Variants in UGGT2 observed in about 807,000 individuals in gnomAD.
UGGT2 encodes the protein UDP-glucose:glycoprotein glucosyltransferase 2.
Under a neutral mutation model 192.1 loss-of-function variants are expected in UGGT2, and 180 were observed. The observed-to-expected ratio is 0.94, with a 90% CI of 0.83 to 1.06. The LOEUF is 1.06. UGGT2 is among the 50% of genes least tolerant of loss of function. The pLI, the probability that UGGT2 is intolerant of heterozygous loss-of-function variation, is 0.00. For missense variants in UGGT2, 1,849 were observed against 1,795.7 expected, an observed-to-expected ratio of 1.03 and a Z score of -0.54; for synonymous variants, 580 against 591.0, an observed-to-expected ratio of 0.98 and a Z score of 0.27.
chr13:95,843,235 ACAAG>A (rs1208542327), intron 36 of UGGT2, among the ~76,000 whole-genome samples: 4 of 152,234 alleles, frequency 2.6e-5, no homozygotes, highest in African/African-American at 9.6e-5. Flanking sequence ...ACTCATTTTC[ACAAG>A]CAATGTATGC....
At chr13:95,856,559 G>T in intron 33 of UGGT2, 1 of 497,820 alleles carries the variant, frequency 2.0e-6, no homozygotes. Flanking sequence ...ATAATTTAAC[G>T]TCATTAAAAA....
At chr13:95,846,522 T>C (rs1274402916) in intron 36 of UGGT2, among the ~76,000 whole-genome samples, 1 of 152,206 alleles carries the variant, frequency 6.6e-6, no homozygotes, top group African/African-American at 2.4e-5. Flanking sequence ...TCTTAAGAAA[T>C]GCTTGTCTAT....
At chr13:95,952,266 G>C (rs2050088865) in intron 12 of UGGT2, among the ~76,000 whole-genome samples, 1 of 152,034 alleles carries the variant, frequency 6.6e-6, no homozygotes, top group Admixed American at 6.6e-5. Context: ...GGCTTTGCTA[G>C]GGTCCAAGAT....
At chr13:95,840,706 T>C (rs910945799) in intron 36 of UGGT2, among the ~76,000 whole-genome samples, 6 of 152,194 alleles carry the variant, frequency 3.9e-5, no homozygotes, top group African/African-American at 1.4e-4. Context: ...ACTGGGTATA[T>C]ACCCAAAGGA....
chr13:96,001,654 A>G (rs2051808934), intron 5 of UGGT2, among the ~76,000 whole-genome samples: 1 of 152,224 alleles, frequency 6.6e-6, no homozygotes, highest in Admixed American at 6.5e-5. Context: ...ACAAACACAG[A>G]CAATTAACAA....
In UGGT2 at chr13:95,991,372, C is replaced by G. The variant is rs751462877; in HGVS notation, c.831-1299G>C. The G allele has an allele frequency of 5.6e-4, 232 of 413,650 alleles. 2 individuals carry two copies. The highest frequency in any genetic ancestry group is 1.3e-4 in the Non-Finnish European group (27 of 207,758). The allele number at this position is 413,650 out of a possible 1,614,324, so 25.6% of individuals were successfully genotyped here. On this transcript the variant is annotated intron_variant, in intron 7 of 38. Transcript: ENST00000376747. Reference sequence around the variant, plus strand: ...TAAAAGCCTTCCTATTTCTCCACATCCCCTCCAGCATCTGTCGTTTCCTTT... The same window carrying G: ...TAAAAGCCTTCCTATTTCTCCACATGCCCTCCAGCATCTGTCGTTTCCTTT...
At chr13:96,037,366 T>C (rs1309365960) in intron 1 of UGGT2, among the ~76,000 whole-genome samples, 1 of 152,152 alleles carries the variant, frequency 6.6e-6, no homozygotes, top group Non-Finnish European at 1.5e-5. Context: ...ACGCAGCTAT[T>C]TTTTGTATTT....
chr13:95,932,137 G>A, intron 17 of UGGT2, among the ~76,000 whole-genome samples: 1 of 152,178 alleles, frequency 6.6e-6, no homozygotes, highest in East Asian at 1.9e-4. Context: ...CATTAAATCT[G>A]TAGATTGTGT....
chr13:96,016,894 G>A (rs1480023290), intron 4 of UGGT2, among the ~76,000 whole-genome samples: 1 of 152,186 alleles, frequency 6.6e-6, no homozygotes, highest in Non-Finnish European at 1.5e-5. Context: ...CAGCCACGTG[G>A]GTTGTATCCT....
chr13:95,829,248 G>A lies in UGGT2; in HGVS notation c.4528+3679C>T, dbSNP rs529592609. Among the ~76,000 whole-genome samples the A allele has an allele frequency of 2.6e-5, 4 of 152,278 alleles. No homozygotes were observed. The South Asian group carries it at 8.3e-4, about 32-fold the overall frequency. On this transcript the variant is annotated intron_variant, in intron 38 of 38. Transcript: ENST00000376747. ...GGCAAAAACTGGAAGCATTCCCTTT[G>A]AAAACTGGCACAAGACAGGGATGCC...
intron 30 of UGGT2, among the ~76,000 whole-genome samples, chr13:95,865,416 G>A (rs972389002): frequency 7.2e-5 from 11 of 152,156 alleles, no homozygotes; most frequent in African/African-American, 1.9e-4. Flanking sequence ...AGGCCAAGGC[G>A]GGTGGATCAC....
intron 15 of UGGT2, among the ~76,000 whole-genome samples, chr13:95,946,405 A>G (rs578114283): frequency 1.6e-4 from 25 of 152,272 alleles, no homozygotes; most frequent in African/African-American, 5.3e-4. Context: ...GGCTCTCTCC[A>G]TTGCCTGGGC....
At chr13:95,864,217 G>A (rs1024418084) in intron 30 of UGGT2, among the ~76,000 whole-genome samples, 6 of 151,886 alleles carry the variant, frequency 4.0e-5, no homozygotes, top group Admixed American at 3.3e-4. Context: ...TGTATAATCT[G>A]TTTATAAGGA....
intron 38 of UGGT2, among the ~76,000 whole-genome samples, chr13:95,831,363 A>G (rs867318517): frequency 6.6e-6 from 1 of 152,030 alleles, no homozygotes; most frequent in African/African-American, 2.4e-5. Flanking sequence ...CAGACCTATG[A>G]TTTTTCTTTA....
At chr13:96,043,701 G>A (rs556145218) in intron 1 of UGGT2, among the ~76,000 whole-genome samples, 11 of 152,070 alleles carry the variant, frequency 7.2e-5, no homozygotes, top group African/African-American at 1.2e-4. Context: ...CACCAAAAGC[G>A]AGCAAGAGTA....
At chr13:96,028,613 C>A (rs1456221108) in intron 2 of UGGT2, among the ~76,000 whole-genome samples, 1 of 152,136 alleles carries the variant, frequency 6.6e-6, no homozygotes, top group Non-Finnish European at 1.5e-5. Context: ...CTTAAAAAGT[C>A]TTAATTTGCT....
intron 15 of UGGT2, among the ~76,000 whole-genome samples, chr13:95,943,134 T>C (rs903305942): frequency 6.6e-6 from 1 of 152,124 alleles, no homozygotes; most frequent in Admixed American, 6.5e-5. Flanking sequence ...TTACCTGGTA[T>C]GACAAGTCCC....
intron 33 of UGGT2, among the ~76,000 whole-genome samples, chr13:95,858,517 G>A (rs1294269040): frequency 2.0e-5 from 3 of 152,018 alleles, no homozygotes; most frequent in Non-Finnish European, 2.9e-5. Context: ...AATACTCCAC[G>A]AGTACCCTCA....
chr13:96,048,874 C>G (rs2053400301), intron 1 of UGGT2, among the ~76,000 whole-genome samples: 1 of 152,232 alleles, frequency 6.6e-6, no homozygotes, highest in Non-Finnish European at 1.5e-5. Flanking sequence ...CAGGACCAGA[C>G]AGATTCACAG....
Sources: allele counts gnomAD v4.1 joint callset (sites outside exome capture counted in the v4.1 genomes callset), GRCh38; gene constraint gnomAD v4.1.1; transcripts MANE v1.5; gene names NCBI Gene and HGNC (gene_info 2026-07-23, HGNC 2026-07-21).